The following AAGAB variants were observed in gnomAD, a reference collection of about 807,000 sequenced individuals.
AAGAB encodes the protein alpha- and gamma-adaptin-binding protein p34.
In AAGAB, 38 loss-of-function variants were observed where a neutral mutation model predicts 44.1. The ratio of observed to expected loss-of-function variants is 0.86; its 90% confidence interval spans 0.67 to 1.13. The LOEUF is 1.13. Ranked by LOEUF, AAGAB falls within the 50% of genes most tolerant of loss-of-function variation. AAGAB has a pLI of 0.00. For missense variants in AAGAB, 450 were observed against 373.8 expected (o/e 1.20, Z -1.68); for synonymous variants, 131 against 131.8 (o/e 0.99, Z 0.04).
At chr15:67,235,567 C>G (rs968584847) in intron 4 of AAGAB, among the ~76,000 whole-genome samples, 11 of 152,132 alleles carry the variant, frequency 7.2e-5, no homozygotes, top group African/African-American at 2.4e-4. Context: ...AAAAGACATT[C>G]AAATGGATTT....
chr15:67,225,284 T>A (rs1595994380), intron 5 of AAGAB, among the ~76,000 whole-genome samples: 1 of 152,254 alleles, frequency 6.6e-6, no homozygotes, highest in East Asian at 1.9e-4. Context: ...GCACGTATAC[T>A]ATCAGCTGCT....
In AAGAB at chr15:67,202,857, ATC is replaced by A. The variant is rs762637267; in HGVS notation, c.910_911del (p.Asp304Ter). ...CATCAGATGAAAGGCCTTCAATTTC[ATC>A]TCTGTCTCCCCCGATTGCCATCCAG... ...AFWMAIGGDRDEIEGLSSDEE... is the reference protein window; with the variant it reads ...AFWMAIGGDRXEIEGLSSDEE... On this transcript the variant is annotated frameshift_variant, in exon 10 of 10. Transcript: ENST00000261880. LOFTEE classifies it high-confidence loss of function. 7.4e-6 allele frequency: 12 copies of A among 1,613,940 alleles called. No homozygotes were observed. The East Asian group carries it at 8.9e-5, about 12-fold the overall frequency.
intron 5 of AAGAB, among the ~76,000 whole-genome samples, chr15:67,212,197 T>C (rs147335975): frequency 6.6e-6 from 1 of 152,296 alleles, no homozygotes; most frequent in Non-Finnish European, 1.5e-5. Flanking sequence ...CTTAATTCTT[T>C]ACAGTGGCTG....
rs1049573447 is a variant in AAGAB, at chr15:67,225,785, G to A, written c.535+6029C>T. On this transcript the variant is annotated intron_variant, in intron 5 of 9. Transcript: ENST00000261880. ...ATGGATATACCACATTTTGTTTTCA[G>A]CAGTTTTTCTCACTTTTTGGCATTT... Among the ~76,000 whole-genome samples the A allele has an allele frequency of 7.2e-5, 11 of 152,122 alleles. No homozygotes were observed. The East Asian group carries it at 2.1e-3, about 29-fold the overall frequency.
intron 1 of AAGAB, among the ~76,000 whole-genome samples, chr15:67,248,625 T>C (rs1964785181): frequency 6.6e-6 from 1 of 152,242 alleles, no homozygotes; most frequent in Non-Finnish European, 1.5e-5. Context: ...ATGTTCTCTT[T>C]AGTAAATTAC....
intron 5 of AAGAB, among the ~76,000 whole-genome samples, chr15:67,211,912 C>G (rs1217224524): frequency 1.3e-5 from 2 of 151,152 alleles, no homozygotes; most frequent in Non-Finnish European, 2.9e-5. Flanking sequence ...CAGAGTCTCA[C>G]TCTTTCGCCC....
rs376857654 is a variant in AAGAB at position 67,254,627 on chromosome 15, G to C, written c.5C>G (p.Ala2Gly). M[A>G]AGVPCALVTS... is the part of the protein sequence containing the mutation. ...GACTAACGCACAGGGTACGCCAGCA[G>C]CCATAGCTGCGCTCGCGAGCCGGTT... is the stretch of plus-strand genomic sequence containing the variant. The change falls in exon 1 of 10, where the codon GCT becomes GGT. Residue 2 changes from alanine (A) to glycine (G), a missense_variant. By Grantham distance (60) the Ala-to-Gly change is moderately conservative. Coordinates refer to ENST00000261880, the MANE Select transcript of AAGAB (RefSeq NM_024666.5). 3.8e-5 allele frequency: 60 copies of C among 1,598,498 alleles called. No homozygotes were observed. Among genetic ancestry groups the C allele is most frequent in the Non-Finnish European group, 5.1e-5 (60 of 1,175,180 alleles).
chr15:67,232,043 C>G, intron 4 of AAGAB, 146 bp from the exon 5 acceptor site: 1 of 566,908 alleles, frequency 1.8e-6, no homozygotes, highest in Non-Finnish European at 3.2e-6. Context: ...TACCTGAGGT[C>G]GGGAGTTCAA....
intron 7 of AAGAB, among the ~76,000 whole-genome samples, chr15:67,205,136 C>A (rs931793255): frequency 6.6e-6 from 1 of 152,132 alleles, no homozygotes; most frequent in Non-Finnish European, 1.5e-5. Flanking sequence ...CCATTACTAG[C>A]GATAAAGCCA....
chr15:67,211,803 A>G (rs569610502), intron 5 of AAGAB, among the ~76,000 whole-genome samples: 27 of 152,338 alleles, frequency 1.8e-4, no homozygotes, highest in African/African-American at 6.3e-4. Flanking sequence ...GGCAGGCCAG[A>G]GTGCAACTCA....
chr15:67,222,831 A>G (rs575439467), intron 5 of AAGAB, among the ~76,000 whole-genome samples: 2 of 152,162 alleles, frequency 1.3e-5, no homozygotes, highest in South Asian at 2.1e-4. Flanking sequence ...GCTCTCACCT[A>G]TTTCTTTGCT....
At chr15:67,236,842 A>T (rs763082719) in intron 1 of AAGAB, 22 bp from the exon 2 acceptor site, 4 of 1,578,666 alleles carry the variant, frequency 2.5e-6, no homozygotes, top group Non-Finnish European at 3.4e-6. Context: ...TGACAACATT[A>T]CCATGTAAAG....
At chr15:67,221,206 G>GA (rs1166823917) in intron 5 of AAGAB, 1 of 152,108 alleles carries the variant, frequency 6.6e-6, no homozygotes, top group Non-Finnish European at 1.5e-5. Context: ...GGGAGACTAG[G>GA]AAAAAGAGTC....
Position 67,231,812 on chromosome 15 carries a change from A to G in AAGAB, c.535+2T>C. ...AAATGACTTGAGTCCCAAGTTACTT[A>G]CCATTCTTCATCACTACATTGGACC... is the stretch of plus-strand genomic sequence containing the variant. On this transcript the variant is annotated splice_donor_variant, in intron 5 of 9. Transcript: ENST00000261880. LOFTEE classifies it high-confidence loss of function. 2 of 1,607,904 alleles carry G rather than the reference A, an allele frequency of 1.2e-6. No individual in the cohort carries two copies. Among genetic ancestry groups the G allele is most frequent in the South Asian group, 1.1e-5 (1 of 90,994 alleles).
At chr15:67,209,650 A>AC in intron 5 of AAGAB, 106 bp from the exon 6 acceptor site, 1 of 865,818 alleles carries the variant, frequency 1.2e-6, no homozygotes, top group South Asian at 1.5e-5. Context: ...CAAAGTTCTA[A>AC]CTACATATAT....
chr15:67,215,314 G>A (rs1451489986), intron 5 of AAGAB, among the ~76,000 whole-genome samples: 2 of 152,186 alleles, frequency 1.3e-5, no homozygotes, highest in African/African-American at 2.4e-5. Flanking sequence ...TCCGCTGAAT[G>A]TCTAATAGAA....
intron 1 of AAGAB, among the ~76,000 whole-genome samples, chr15:67,245,697 C>A (rs1442550338): frequency 6.6e-6 from 1 of 152,174 alleles, no homozygotes; most frequent in Non-Finnish European, 1.5e-5. Context: ...GAGTGAGACA[C>A]ATAATATTTT....
chr15:67,255,051 C>G (rs555020732), upstream of AAGAB: 99 of 1,114,704 alleles, frequency 8.9e-5, no homozygotes, highest in African/African-American at 1.3e-3. Context: ...GTGCGCCGCC[C>G]CTAGACTCCC....
At chr15:67,226,161 C>A (rs941238343) in intron 5 of AAGAB, among the ~76,000 whole-genome samples, 1 of 151,612 alleles carries the variant, frequency 6.6e-6, no homozygotes, top group Non-Finnish European at 1.5e-5. Flanking sequence ...GAATTGGGGT[C>A]TCACTCTGTT....
Sources: allele counts gnomAD v4.1 joint callset (sites outside exome capture counted in the v4.1 genomes callset), GRCh38; gene constraint gnomAD v4.1.1; transcripts MANE v1.5; gene names NCBI Gene and HGNC (gene_info 2026-07-23, HGNC 2026-07-21).